Variants in CASP9 observed in about 807,000 individuals in gnomAD.
The protein encoded by CASP9 is caspase-9.
In CASP9, 29 loss-of-function variants were observed where a neutral mutation model predicts 43.5. The observed-to-expected ratio is 0.67, with a 90% CI of 0.50 to 0.91. The LOEUF (loss-of-function observed/expected upper bound fraction) is 0.91, where lower values mean the gene tolerates loss of function less well. Among genes scored for constraint, CASP9 ranks in the 40% least tolerant of loss-of-function variants. CASP9 has a pLI of 0.00. For synonymous variants in CASP9, 206 were observed against 211.9 expected (o/e 0.97, Z 0.24); for missense variants, 575 against 537.4 (o/e 1.07, Z -0.69).
upstream of CASP9, chr1:15,524,256 G>T: frequency 3.3e-6 from 5 of 1,519,374 alleles, no homozygotes; most frequent in South Asian, 6.1e-5. Flanking sequence ...GGCCTCGGCC[G>T]CCCGCCCCAG....
chr1:15,523,074 C>T (rs985651476), intron 1 of CASP9, among the ~76,000 whole-genome samples: 5 of 152,254 alleles, frequency 3.3e-5, no homozygotes, highest in African/African-American at 2.4e-5. Context: ...CCTGCATCCT[C>T]ACAGGCCTGT....
Position 15,493,406 on chromosome 1 carries a change from C to T in CASP9, c.1159-371G>A, listed in dbSNP as rs1179771841. 13 of 1,225,814 alleles carry T rather than the reference C, an allele frequency of 1.1e-5. No individual in the cohort carries two copies. The Admixed American group carries it at 1.2e-4, about 11-fold the overall frequency. 75.9% of individuals were successfully genotyped at this position (1,225,814 alleles called of 1,614,324 possible). On this transcript the variant is annotated intron_variant, in intron 8 of 8. Transcript: ENST00000333868. ...CTCAGAGGAAGCAACTGCTCTGAGT[C>T]GGGTTTCTATGGAGTAGGACTGGGC...
At chr1:15,498,226 G>A (rs1709187746) in intron 6 of CASP9, among the ~76,000 whole-genome samples, 1 of 152,078 alleles carries the variant, frequency 6.6e-6, no homozygotes, top group South Asian at 2.1e-4. Context: ...GGGACTACAG[G>A]TGCCACCACA....
In CASP9 at chr1:15,491,609, T is replaced by C; in HGVS notation, c.*1334A>G. 1 of 345,202 alleles carries C rather than the reference T, an allele frequency of 2.9e-6. No individual in the cohort carries two copies. The highest frequency in any genetic ancestry group is 3.2e-5 in the South Asian group (1 of 31,002). 21.4% of individuals were successfully genotyped at this position (345,202 alleles called of 1,614,324 possible). On this transcript the variant is annotated 3_prime_UTR_variant, in exon 9 of 9. Transcript: ENST00000333868. ...TCTGTCTCTACTAAAAATACAAAAA[T>C]TAACTGGGAGAGGTGGTGCACACCT...
intron 6 of CASP9, among the ~76,000 whole-genome samples, chr1:15,502,687 C>T (rs1709369453): frequency 6.6e-6 from 1 of 152,180 alleles, no homozygotes; most frequent in Non-Finnish European, 1.5e-5. Flanking sequence ...GCCCTCCCTG[C>T]TGTTGAGACT....
intron 5 of CASP9, among the ~76,000 whole-genome samples, chr1:15,505,382 G>A (rs4646046): frequency 6.6e-6 from 1 of 152,160 alleles, no homozygotes; most frequent in African/African-American, 2.4e-5. Flanking sequence ...TGCTGGCCTC[G>A]TCAGGCCAGA....
At chr1:15,500,886 T>C (rs112858758) in intron 6 of CASP9, among the ~76,000 whole-genome samples, 1 of 94,294 alleles carries the variant, frequency 1.1e-5, no homozygotes, top group East Asian at 2.4e-4. Context: ...GAGCAGGGGG[T>C]GTGGGGGAAA....
intron 6 of CASP9, 66 bp from the exon 7 acceptor site, chr1:15,495,518 G>C: frequency 7.3e-7 from 1 of 1,365,432 alleles, no homozygotes. Context: ...TTCAACATAT[G>C]AAAGTCGGTG....
chr1:15,497,469 C>G (rs1294191763), intron 6 of CASP9, among the ~76,000 whole-genome samples: 2 of 151,660 alleles, frequency 1.3e-5, no homozygotes, highest in East Asian at 3.9e-4. Flanking sequence ...ATGGTGAAAC[C>G]CCGTCTCTAC....
chr1:15,510,952 C>T (rs1489379195), intron 2 of CASP9, among the ~76,000 whole-genome samples: 3 of 152,108 alleles, frequency 2.0e-5, no homozygotes, highest in Admixed American at 2.0e-4. Flanking sequence ...TTCGTCCCTC[C>T]GAACCTATGC....
At chr1:15,501,442 T>G (rs1709324565) in intron 6 of CASP9, among the ~76,000 whole-genome samples, 1 of 152,000 alleles carries the variant, frequency 6.6e-6, no homozygotes, top group Non-Finnish European at 1.5e-5. Flanking sequence ...TTAAATATTT[T>G]TAAAGTATTA....
At chr1:15,512,256 C>T (rs1363914768) in intron 2 of CASP9, among the ~76,000 whole-genome samples, 1 of 152,174 alleles carries the variant, frequency 6.6e-6, no homozygotes. Context: ...TTGACTAGAT[C>T]ACAGGGTACC....
At chr1:15,519,409 T>C (rs540491004) in intron 1 of CASP9, among the ~76,000 whole-genome samples, 17 of 152,188 alleles carry the variant, frequency 1.1e-4, no homozygotes, top group Admixed American at 4.6e-4. Flanking sequence ...TCAAAACTCC[T>C]GACCTCAAGC....
At chr1:15,508,058 T>A (rs1242907038) in intron 2 of CASP9, 151 bp from the exon 3 acceptor site, 1 of 704,816 alleles carries the variant, frequency 1.4e-6, no homozygotes, top group Non-Finnish European at 2.5e-6. Context: ...GAGATCTGTT[T>A]AGAGGTTTCT....
chr1:15,524,502 A>G (rs1326961569), upstream of CASP9: 2 of 509,682 alleles, frequency 3.9e-6, no homozygotes, highest in African/African-American at 4.4e-5. Context: ...CCGCCCCAGA[A>G]CCCGCCCCAC....
chr1:15,493,063 G>A (rs1708951339), intron 8 of CASP9, 28 bp from the exon 9 acceptor site: 3 of 1,613,254 alleles, frequency 1.9e-6, no homozygotes, highest in African/African-American at 1.3e-5. Flanking sequence ...GGAGAGCTCT[G>A]TGAGTTCAGT....
chr1:15,496,098 A>G (rs1709096107), intron 6 of CASP9, among the ~76,000 whole-genome samples: 1 of 152,224 alleles, frequency 6.6e-6, no homozygotes. Flanking sequence ...CTTTGGCAAA[A>G]GAAACTTCTT....
chr1:15,508,392 G>A (rs1054472319), intron 2 of CASP9, among the ~76,000 whole-genome samples: 3 of 151,950 alleles, frequency 2.0e-5, no homozygotes, highest in Non-Finnish European at 4.4e-5. Flanking sequence ...TCCCCAAATC[G>A]TTTCTTTTCT....
intron 8 of CASP9, 104 bp downstream of exon 8, chr1:15,493,788 C>T: frequency 6.5e-7 from 1 of 1,535,838 alleles, no homozygotes; most frequent in African/African-American, 1.4e-5. Context: ...TACCTTTTAC[C>T]CTTGGTTTGG....
Sources: gnomAD v4.1 joint callset for allele counts (sites outside exome capture counted in the v4.1 genomes callset) on GRCh38, gnomAD v4.1.1 for gene constraint, MANE v1.5 for transcripts, NCBI Gene and HGNC (gene_info 2026-07-23, HGNC 2026-07-21) for gene names.